Variants in VSTM2L observed in about 807,000 individuals in gnomAD.
The protein encoded by VSTM2L is V-set and transmembrane domain containing 2 like, also known as V-set and transmembrane domain-containing protein 2-like protein.
In VSTM2L, 9 loss-of-function variants were observed where a neutral mutation model predicts 19.9. The observed-to-expected ratio is 0.45, with a 90% confidence interval of 0.27 to 0.79. VSTM2L has a LOEUF of 0.79. Among genes scored for constraint, VSTM2L ranks in the 30% least tolerant of loss-of-function variants. VSTM2L has a pLI of 0.15. For synonymous variants in VSTM2L, 127 were observed against 133.8 expected (o/e 0.95, Z 0.35); for missense variants, 286 against 295.5 (o/e 0.97, Z 0.24).
intron 1 of VSTM2L, among the ~76,000 whole-genome samples, chr20:37,906,152 G>A (rs527613183): frequency 4.6e-5 from 7 of 152,140 alleles, no homozygotes; most frequent in South Asian, 4.2e-4. Flanking sequence ...AGCCCAGCCC[G>A]GCCGCCGGGC....
At chr20:37,923,786 C>A (rs780771580) in intron 1 of VSTM2L, among the ~76,000 whole-genome samples, 26 of 152,086 alleles carry the variant, frequency 1.7e-4, no homozygotes, top group Non-Finnish European at 7.4e-5. Flanking sequence ...CCACTTAGAG[C>A]CCTCTAGAAC....
chr20:37,943,653 C>T (rs889517084), intron 3 of VSTM2L, among the ~76,000 whole-genome samples: 9 of 151,976 alleles, frequency 5.9e-5, no homozygotes, highest in African/African-American at 2.2e-4. Context: ...TAAATGGCAT[C>T]CCCTGGGGGT....
chr20:37,906,221 G>A (rs1399672481), intron 1 of VSTM2L, among the ~76,000 whole-genome samples: 1 of 152,044 alleles, frequency 6.6e-6, no homozygotes, highest in Non-Finnish European at 1.5e-5. Flanking sequence ...CGGTCAGATG[G>A]GTCAGAAAGG....
intron 1 of VSTM2L, among the ~76,000 whole-genome samples, chr20:37,911,235 C>CAAAAAAAAA (rs11352183): frequency 4.4e-5 from 2 of 45,772 alleles, no homozygotes; most frequent in Non-Finnish European, 7.7e-5. Flanking sequence ...GACTCCATCT[C>CAAAAAAAAA]AAAAAAAAAA....
chr20:37,911,461 C>T (rs2072779161), intron 1 of VSTM2L, among the ~76,000 whole-genome samples: 1 of 152,204 alleles, frequency 6.6e-6, no homozygotes, highest in African/African-American at 2.4e-5. Context: ...AGCCAGAACA[C>T]AGCGGGCGGC....
intron 1 of VSTM2L, among the ~76,000 whole-genome samples, chr20:37,924,566 A>C (rs527879184): frequency 0.012 from 1,862 of 151,988 alleles, 16 homozygotes; most frequent in Middle Eastern, 0.037. Context: ...AAAAAAAAAA[A>C]AAAACAAAAC....
intron 3 of VSTM2L, among the ~76,000 whole-genome samples, chr20:37,943,118 C>A (rs953843237): frequency 3.3e-5 from 5 of 151,994 alleles, no homozygotes; most frequent in African/African-American, 1.2e-4. Flanking sequence ...CCGGCATGCA[C>A]CACCACACCC....
Position 37,903,336 on chromosome 20 carries a change from G to T in VSTM2L, c.-15G>T. On this transcript the variant is annotated 5_prime_UTR_variant, in exon 1 of 4. Transcript: ENST00000373461. ...CAGATGTGAGGCGGCGGCGCCCCCG[G>T]CCCGAGAGCGCACGATGGGGGCCCC... The T allele has an allele frequency of 6.9e-7, 1 of 1,446,200 alleles. No homozygotes were observed. Among genetic ancestry groups the T allele is most frequent in the South Asian group, 1.4e-5 (1 of 73,566 alleles). 89.6% of individuals were successfully genotyped at this position (1,446,200 alleles called of 1,614,324 possible). A position where few individuals can be genotyped will look rare whatever the true frequency, so the allele number is the denominator to read the frequency against.
Position 37,903,357 on chromosome 20 carries a change from G to A in VSTM2L, c.7G>A (p.Ala3Thr), listed in dbSNP as rs2072732117. The A allele has an allele frequency of 2.7e-6, 4 of 1,468,390 alleles. No homozygotes were observed. The highest frequency in any genetic ancestry group is 2.7e-6 in the Non-Finnish European group (3 of 1,116,112). 91.0% of individuals were successfully genotyped at this position (1,468,390 alleles called of 1,614,324 possible). Reference sequence around the variant, plus strand: ...CCCGGCCCGAGAGCGCACGATGGGGGCCCCGCTCGCCGTAGCGCTGGGCGC... The same window carrying A: ...CCCGGCCCGAGAGCGCACGATGGGGACCCCGCTCGCCGTAGCGCTGGGCGC... MG[A>T]PLAVALGALH... Residue 3 changes from alanine to threonine, a missense_variant, in exon 1 of 4, where the codon GCC becomes ACC. Physicochemically the swap from Ala to Thr is moderately conservative, Grantham distance 58 (BLOSUM62 0). Coordinates refer to ENST00000373461, the MANE Select transcript of VSTM2L (RefSeq NM_080607.3).
At chr20:37,936,283 A>C (rs1810898144) in intron 3 of VSTM2L, among the ~76,000 whole-genome samples, 1 of 152,148 alleles carries the variant, frequency 6.6e-6, no homozygotes, top group South Asian at 2.1e-4. Context: ...CGGGAAACCC[A>C]GACCCTGTGT....
At position 37,913,011 on chromosome 20, in the gene VSTM2L, G is replaced by A. The variant is rs762091527; in HGVS notation, c.121+9540G>A. Among the ~76,000 whole-genome samples the A allele has an allele frequency of 5.9e-5, 9 of 151,398 alleles. No individual in the cohort carries two copies. In the South Asian group the frequency reaches 8.4e-4, roughly 14 times the overall value. On this transcript the variant is annotated intron_variant, in intron 1 of 3. Coordinates refer to ENST00000373461, the MANE Select transcript of VSTM2L (RefSeq NM_080607.3). Reference sequence around the variant, plus strand: ...CCCCACCCATTCCTTCCTTTCTCTCGGGTATGCACACAGCTCTCTTCGATG... The same window carrying A: ...CCCCACCCATTCCTTCCTTTCTCTCAGGTATGCACACAGCTCTCTTCGATG...
At chr20:37,924,318 C>A (rs747299795) in intron 1 of VSTM2L, among the ~76,000 whole-genome samples, 3 of 151,912 alleles carry the variant, frequency 2.0e-5, no homozygotes, top group Non-Finnish European at 4.4e-5. Context: ...TTTGGGAGGC[C>A]GAGGTGGGCG....
At chr20:37,926,446 T>C (rs2072879603) in intron 1 of VSTM2L, among the ~76,000 whole-genome samples, 1 of 151,828 alleles carries the variant, frequency 6.6e-6, no homozygotes, top group South Asian at 2.1e-4. Flanking sequence ...CCCAGCTACT[T>C]GGGAGGCTGA....
At chr20:37,916,709 A>G (rs2072820683) in intron 1 of VSTM2L, among the ~76,000 whole-genome samples, 1 of 152,248 alleles carries the variant, frequency 6.6e-6, no homozygotes, top group African/African-American at 2.4e-5. Flanking sequence ...GGGATTAGGT[A>G]GGATATTTTA....
chr20:37,910,138 T>G (rs79294060), intron 1 of VSTM2L, among the ~76,000 whole-genome samples: 3,184 of 152,332 alleles, frequency 0.021, 109 homozygotes, highest in African/African-American at 0.073. Flanking sequence ...CTCTTACATT[T>G]TAATAGTTAA....
intron 1 of VSTM2L, among the ~76,000 whole-genome samples, chr20:37,909,186 G>A (rs146361310): frequency 9.2e-5 from 14 of 152,334 alleles, no homozygotes; most frequent in East Asian, 1.9e-4. Flanking sequence ...CCAGGAGGGC[G>A]AGCAGCAGTG....
At chr20:37,942,057 C>T (rs555645744) in intron 3 of VSTM2L, among the ~76,000 whole-genome samples, 18 of 152,272 alleles carry the variant, frequency 1.2e-4, no homozygotes, top group Non-Finnish European at 2.2e-4. Flanking sequence ...ACACCCACAG[C>T]AACTTTATAT....
At chr20:37,907,683 A>C (rs1481658716) in intron 1 of VSTM2L, among the ~76,000 whole-genome samples, 3 of 150,180 alleles carry the variant, frequency 2.0e-5, no homozygotes, top group African/African-American at 7.4e-5. Context: ...ACACACACAC[A>C]CCCACACCCA....
At chr20:37,938,851 G>T (rs2072955288) in intron 3 of VSTM2L, among the ~76,000 whole-genome samples, 2 of 152,306 alleles carry the variant, frequency 1.3e-5, no homozygotes, top group South Asian at 4.2e-4. Context: ...GGCTGCTCCT[G>T]GAGTGGGATA....
Sources: gnomAD v4.1 joint callset for allele counts (sites outside exome capture counted in the v4.1 genomes callset) on GRCh38, gnomAD v4.1.1 for gene constraint, MANE v1.5 for transcripts, NCBI Gene and HGNC (gene_info 2026-07-23, HGNC 2026-07-21) for gene names.